Variants in C8orf34 observed in about 807,000 individuals in gnomAD.
C8orf34 encodes the protein uncharacterized protein C8orf34.
Under a neutral mutation model 68.3 loss-of-function variants are expected in C8orf34, and 65 were observed. That is an observed-to-expected ratio of 0.95 (90% CI 0.78 to 1.17). The LOEUF (loss-of-function observed/expected upper bound fraction) is 1.17, where lower values mean the gene tolerates loss of function less well. Among genes scored for constraint, C8orf34 ranks in the 50% most tolerant of loss-of-function variants. The probability of loss-of-function intolerance (pLI) is 0.00; values close to 1 mark genes in which losing one functional copy is unlikely to be tolerated. For missense variants in C8orf34, 664 were observed against 655.4 expected (o/e 1.01, Z -0.14); for synonymous variants, 244 against 241.2 (o/e 1.01, Z -0.11).
intron 3 of C8orf34, 140 bp downstream of exon 3, chr8:68,446,600 C>A: frequency 1.2e-6 from 1 of 813,122 alleles, no homozygotes; most frequent in Non-Finnish European, 1.9e-6. Context: ...CACTTTTACT[C>A]CGCATTTACA....
intron 4 of C8orf34, among the ~76,000 whole-genome samples, chr8:68,473,468 G>A (rs534105505): frequency 1.3e-5 from 2 of 152,264 alleles, no homozygotes; most frequent in South Asian, 2.1e-4. Context: ...AGGGAAGACA[G>A]AGCCACCATT....
chr8:68,634,632 T>C (rs975073334), intron 7 of C8orf34, among the ~76,000 whole-genome samples: 1 of 152,182 alleles, frequency 6.6e-6, no homozygotes, highest in African/African-American at 2.4e-5. Context: ...GAGACCTAGA[T>C]TGTATTTTAT....
At chr8:68,702,500 A>C (rs1821047887) in intron 8 of C8orf34, among the ~76,000 whole-genome samples, 1 of 152,176 alleles carries the variant, frequency 6.6e-6, no homozygotes, top group South Asian at 2.1e-4. Context: ...ATTCAAAAAA[A>C]CATTTGACAA....
chr8:68,418,268 T>G (rs1246277248), intron 1 of C8orf34, among the ~76,000 whole-genome samples: 3 of 144,556 alleles, frequency 2.1e-5, no homozygotes, highest in Non-Finnish European at 4.5e-5. Context: ...CCTCTTTTCC[T>G]AATTGAATAC....
intron 8 of C8orf34, among the ~76,000 whole-genome samples, chr8:68,689,238 C>T (rs757486429): frequency 2.0e-5 from 3 of 151,612 alleles, no homozygotes; most frequent in African/African-American, 7.3e-5. Context: ...TTTGTGGACT[C>T]GATGGAGGGG....
chr8:68,773,444 A>AG (rs1301620029), intron 10 of C8orf34, among the ~76,000 whole-genome samples: 1 of 151,952 alleles, frequency 6.6e-6, no homozygotes, highest in East Asian at 1.9e-4. Flanking sequence ...TCCGTCGCCC[A>AG]GGTTGGAGTG....
intron 12 of C8orf34, among the ~76,000 whole-genome samples, chr8:68,814,703 A>G (rs983201423): frequency 2.6e-5 from 4 of 152,334 alleles, no homozygotes; most frequent in Non-Finnish European, 5.9e-5. Context: ...GGGTGAAGAT[A>G]AGATTTAAAC....
At chr8:68,659,408 T>G (rs769507658) in intron 8 of C8orf34, among the ~76,000 whole-genome samples, 1 of 152,232 alleles carries the variant, frequency 6.6e-6, no homozygotes, top group Non-Finnish European at 1.5e-5. Context: ...TGTGGTGTTT[T>G]TAATCTCCTG....
intron 7 of C8orf34, among the ~76,000 whole-genome samples, chr8:68,635,160 A>G (rs1818799306): frequency 6.6e-6 from 1 of 152,202 alleles, no homozygotes; most frequent in Non-Finnish European, 1.5e-5. Context: ...GTTCATCAAA[A>G]TGCAGTCATA....
intron 1 of C8orf34, among the ~76,000 whole-genome samples, chr8:68,387,812 A>G (rs1425262626): frequency 2.0e-5 from 3 of 152,222 alleles, no homozygotes; most frequent in Non-Finnish European, 4.4e-5. Context: ...ATAGAGCATG[A>G]ATGTGACAAC....
chr8:68,547,732 T>C (rs533581246), intron 7 of C8orf34, among the ~76,000 whole-genome samples: 1 of 151,854 alleles, frequency 6.6e-6, no homozygotes, highest in East Asian at 1.9e-4. Flanking sequence ...AATAATGACC[T>C]TGAATGGCCA....
Position 68,572,478 on chromosome 8 carries a change from A to AAT in C8orf34, c.1105+39338_1105+39339dup, listed in dbSNP as rs947378728. 8.6e-5 allele frequency among the ~76,000 whole-genome samples: 13 copies of AAT among 151,534 alleles called. No individual in the cohort carries two copies. The Middle Eastern group carries it at 0.01, about 121-fold the overall frequency. On this transcript the variant is annotated intron_variant, in intron 7 of 13. Coordinates refer to ENST00000518698, the MANE Select transcript of C8orf34 (RefSeq NM_052958.4). The stretch of plus-strand genomic sequence containing the variant: ...GTTTTATTGTAATTATTATTTCCAG[A>AAT]ATATATATATTTTAATATAATTTAT...
chr8:68,411,260 C>T (rs886329581), intron 1 of C8orf34, among the ~76,000 whole-genome samples: 1 of 152,114 alleles, frequency 6.6e-6, no homozygotes, highest in South Asian at 2.1e-4. Flanking sequence ...TCATGAACTG[C>T]ATGGTTTCTA....
intron 1 of C8orf34, among the ~76,000 whole-genome samples, chr8:68,434,370 C>A (rs1174900025): frequency 6.6e-6 from 1 of 152,128 alleles, no homozygotes; most frequent in Admixed American, 6.5e-5. Context: ...TCTCATTGTT[C>A]AACTCCCACT....
chr8:68,744,498 A>C (rs1298176410), intron 10 of C8orf34, among the ~76,000 whole-genome samples: 1 of 151,552 alleles, frequency 6.6e-6, no homozygotes. Context: ...AAAATTTAGA[A>C]GAATGTATAA....
chr8:68,814,708 T>C (rs907591570), intron 12 of C8orf34, among the ~76,000 whole-genome samples: 7 of 152,208 alleles, frequency 4.6e-5, no homozygotes, highest in Admixed American at 2.6e-4. Context: ...AAGATAAGAT[T>C]TAAACTCAGT....
chr8:68,469,861 T>C (rs1051128309), intron 4 of C8orf34, among the ~76,000 whole-genome samples: 2 of 112,960 alleles, frequency 1.8e-5, no homozygotes, highest in African/African-American at 7.9e-5. Flanking sequence ...TTGGTATATT[T>C]TGAAAGAAGT....
At chr8:68,775,491 A>G (rs1823488583) in intron 10 of C8orf34, among the ~76,000 whole-genome samples, 2 of 108,238 alleles carry the variant, frequency 1.8e-5, no homozygotes, top group Non-Finnish European at 3.6e-5. Flanking sequence ...AATTTCAACA[A>G]TTTGAATCTG....
chr8:68,597,588 G>GTT (rs772565174), intron 7 of C8orf34, among the ~76,000 whole-genome samples: 1 of 151,372 alleles, frequency 6.6e-6, no homozygotes, highest in Non-Finnish European at 1.5e-5. Context: ...GTGTGTGTGT[G>GTT]TGTGTGTGTG....
Sources: allele counts gnomAD v4.1 joint callset (sites outside exome capture counted in the v4.1 genomes callset), GRCh38; gene constraint gnomAD v4.1.1; transcripts MANE v1.5; gene names NCBI Gene and HGNC (gene_info 2026-07-23, HGNC 2026-07-21).